The following RASA3 variants were observed in gnomAD, a reference collection of about 807,000 sequenced individuals.
The protein encoded by RASA3 is ras GTPase-activating protein 3.
Under a neutral mutation model 110.0 loss-of-function variants are expected in RASA3, and 73 were observed. That is an observed-to-expected ratio of 0.66 (90% confidence interval 0.55 to 0.81). The LOEUF (loss-of-function observed/expected upper bound fraction) is 0.81, where lower values mean the gene tolerates loss of function less well. Among genes scored for constraint, RASA3 ranks in the 30% least tolerant of loss-of-function variants. The pLI, the probability that RASA3 is intolerant of heterozygous loss-of-function variation, is 0.00. For missense variants in RASA3, 976 were observed against 1,113.2 expected, an observed-to-expected ratio of 0.88 and a Z score of 1.75; for synonymous variants, 500 against 451.4, an observed-to-expected ratio of 1.11 and a Z score of -1.37.
At chr13:114,075,303 A>G (rs1322837857) in intron 1 of RASA3, among the ~76,000 whole-genome samples, 1 of 152,218 alleles carries the variant, frequency 6.6e-6, no homozygotes, top group Non-Finnish European at 1.5e-5. Flanking sequence ...GCTCATTTCA[A>G]AGATGCCAGT....
In RASA3 at chr13:114,021,384, C is replaced by A. The variant is rs755938897; in HGVS notation, c.785+20G>T. The A allele has an allele frequency of 6.9e-6, 11 of 1,605,710 alleles. No individual in the cohort carries two copies. Among genetic ancestry groups the A allele is most frequent in the Non-Finnish European group, 9.4e-6 (11 of 1,172,764 alleles). ...TGGCTCTCAGAGATGCGGAAGTCTGCAGGTGCAACATCATCTTACCACGCC... is the reference window on the plus strand; with the variant it reads ...TGGCTCTCAGAGATGCGGAAGTCTGAAGGTGCAACATCATCTTACCACGCC... On this transcript the variant is annotated intron_variant, in intron 9 of 23. Coordinates refer to ENST00000334062, the MANE Select transcript of RASA3 (RefSeq NM_007368.4).
At chr13:114,027,728 T>C in intron 6 of RASA3, 119 bp downstream of exon 6, 7 of 1,108,240 alleles carry the variant, frequency 6.3e-6, no homozygotes, top group Non-Finnish European at 9.6e-6. Context: ...AAAATTCACA[T>C]TCTACCTCAA....
At chr13:114,079,082 G>A (rs1566558882) in intron 1 of RASA3, among the ~76,000 whole-genome samples, 1 of 152,254 alleles carries the variant, frequency 6.6e-6, no homozygotes, top group African/African-American at 2.4e-5. Flanking sequence ...AGTGAAGAGG[G>A]CGGAGGAAGG....
chr13:114,011,140 T>C lies in RASA3; in HGVS notation c.1590+31A>G. On this transcript the variant is annotated intron_variant, in intron 16 of 23. Transcript: ENST00000334062. The surrounding 1 kb of genome is among the most constrained non-coding windows in gnomAD (Gnocchi z 4.8). ...AAGAGAGAAAAGAATCAGTTGTCCC[T>C]AAAAAGAGAAAATGAAGAAGAGGGA... 1 of 1,566,122 alleles carries C rather than the reference T, an allele frequency of 6.4e-7. No individual in the cohort carries two copies. Among genetic ancestry groups the C allele is most frequent in the Non-Finnish European group, 8.8e-7 (1 of 1,138,894 alleles).
intron 1 of RASA3, among the ~76,000 whole-genome samples, chr13:114,102,647 A>G (rs887885877): frequency 2.6e-5 from 4 of 152,178 alleles, no homozygotes; most frequent in African/African-American, 9.7e-5. Context: ...GGCCGGTGGC[A>G]GGGGCAGAAG....
rs370824293 is a variant in RASA3 at position 114,031,646 on chromosome 13, C to T, written c.373-1759G>A. Among the ~76,000 whole-genome samples, 217 of 152,140 alleles carry T rather than the reference C, an allele frequency of 1.4e-3. No individual in the cohort carries two copies. The Middle Eastern group carries it at 0.017, about 12-fold the overall frequency. Reference sequence around the variant, plus strand: ...GACTGTGTCCACCTGTGTGTGTGTGCGGCTATGTGTGCCTACCTGTGTGTG... The same window carrying T: ...GACTGTGTCCACCTGTGTGTGTGTGTGGCTATGTGTGCCTACCTGTGTGTG... On this transcript the variant is annotated intron_variant, in intron 4 of 23. Transcript: ENST00000334062.
At chr13:114,110,779 G>A (rs1356480731) in intron 1 of RASA3, among the ~76,000 whole-genome samples, 1 of 152,204 alleles carries the variant, frequency 6.6e-6, no homozygotes, top group African/African-American at 2.4e-5. Flanking sequence ...GAGCCTCAGA[G>A]CACCAGGACA....
intron 3 of RASA3, among the ~76,000 whole-genome samples, chr13:114,043,225 C>T (rs1566519127): frequency 6.6e-6 from 1 of 152,192 alleles, no homozygotes; most frequent in Non-Finnish European, 1.5e-5. Flanking sequence ...ACCACATGGC[C>T]ACAGGACATG....
intron 10 of RASA3, 80 bp downstream of exon 10, chr13:114,018,683 G>A: frequency 6.5e-7 from 1 of 1,533,114 alleles, no homozygotes; most frequent in Non-Finnish European, 8.9e-7. Flanking sequence ...TGCCCTCTGG[G>A]GTGGGCCCGG....
chr13:114,098,387 C>T (rs1017557744), intron 1 of RASA3, among the ~76,000 whole-genome samples: 3 of 152,188 alleles, frequency 2.0e-5, no homozygotes, highest in Admixed American at 1.3e-4. Context: ...CCAGGCCTCA[C>T]ACCAGCGACA....
intron 1 of RASA3, among the ~76,000 whole-genome samples, chr13:114,130,404 C>T (rs1053137983): frequency 6.6e-6 from 1 of 152,214 alleles, no homozygotes; most frequent in Non-Finnish European, 1.5e-5. Flanking sequence ...CCAGGCCCCA[C>T]GTGGGATTAG....
intron 2 of RASA3, among the ~76,000 whole-genome samples, chr13:114,069,157 G>A (rs1031049701): frequency 3.3e-5 from 5 of 152,042 alleles, no homozygotes; most frequent in African/African-American, 7.2e-5. Flanking sequence ...GCTGAGTTCC[G>A]CCTTTCCTTC....
At chr13:114,051,644 C>G (rs1408023793) in intron 3 of RASA3, among the ~76,000 whole-genome samples, 1 of 152,054 alleles carries the variant, frequency 6.6e-6, no homozygotes, top group Admixed American at 6.5e-5. Context: ...CCCACCCGCC[C>G]TTCCTGTGCC....
At chr13:114,087,577 G>C (rs2079838145) in intron 1 of RASA3, among the ~76,000 whole-genome samples, 3 of 152,242 alleles carry the variant, frequency 2.0e-5, no homozygotes, top group Admixed American at 1.3e-4. Context: ...TGCAGCCCCG[G>C]CCTGCGCCTC....
chr13:114,052,975 G>A (rs1448031528), intron 2 of RASA3, among the ~76,000 whole-genome samples: 1 of 122,074 alleles, frequency 8.2e-6, no homozygotes, highest in Non-Finnish European at 1.7e-5. Context: ...CGCCACTGCT[G>A]ACTGTGCGTA....
chr13:114,104,389 A>G (rs1434466821), intron 1 of RASA3, among the ~76,000 whole-genome samples: 3 of 150,882 alleles, frequency 2.0e-5, no homozygotes, highest in Non-Finnish European at 3.0e-5. Flanking sequence ...ACAGACACCC[A>G]CTGGTGATGC....
At chr13:114,066,032 C>T (rs1244394061) in intron 2 of RASA3, among the ~76,000 whole-genome samples, 3 of 151,990 alleles carry the variant, frequency 2.0e-5, no homozygotes, top group Non-Finnish European at 2.9e-5. Context: ...AGCTGCCCCT[C>T]GGCTCATGGG....
At position 114,115,205 on chromosome 13, in the gene RASA3, C is replaced by T. The variant is rs2139771954; in HGVS notation, c.55+17230G>A. Among the ~76,000 whole-genome samples the T allele has an allele frequency of 6.6e-6, 1 of 152,332 alleles. No homozygotes were observed. Among genetic ancestry groups the T allele is most frequent in the South Asian group, 2.1e-4 (1 of 4,826 alleles). On this transcript the variant is annotated intron_variant, in intron 1 of 23. Coordinates refer to ENST00000334062, the MANE Select transcript of RASA3 (RefSeq NM_007368.4). This position sits in a 1 kb window ranked among gnomAD's most constrained non-coding sequence, Gnocchi z 5.0. ...TTGTGTGTGGTGTCATCGGCAGCTT[C>T]CATTATGTCCAGCGGTAACATGTTT...
intron 4 of RASA3, among the ~76,000 whole-genome samples, chr13:114,033,501 C>T (rs12018705): frequency 2.0e-3 from 42 of 21,412 alleles, no homozygotes; most frequent in African/African-American, 2.1e-3. Flanking sequence ...TGACACCACG[C>T]CCCACGGCAC....
Sources: allele counts gnomAD v4.1 joint callset (sites outside exome capture counted in the v4.1 genomes callset), GRCh38; gene constraint gnomAD v4.1.1; non-coding constraint Gnocchi (gnomAD v3.1); transcripts MANE v1.5; gene names NCBI Gene and HGNC (gene_info 2026-07-23, HGNC 2026-07-21).